ANKS1A: variants seen among roughly 807,000 people sequenced by gnomAD.
The protein encoded by ANKS1A is ankyrin repeat and SAM domain-containing protein 1A.
ANKS1A carries 55 observed loss-of-function variants against 120.3 expected under a neutral mutation model. That is an observed-to-expected ratio of 0.46 (90% CI 0.37 to 0.57). The LOEUF (loss-of-function observed/expected upper bound fraction) is 0.57, where lower values mean the gene tolerates loss of function less well. ANKS1A is among the 20% of genes least tolerant of loss of function. ANKS1A has a pLI of 0.00. For synonymous variants in ANKS1A, 590 were observed against 604.7 expected, an observed-to-expected ratio of 0.98 and a Z score of 0.36; for missense variants, 1,123 against 1,480.3, an observed-to-expected ratio of 0.76 and a Z score of 3.96.
At position 34,889,751 on chromosome 6, in the gene ANKS1A, C is replaced by G; in HGVS notation, c.197+152C>G. ...GGCAGGCGGCCCGCGGGCCAGGGTA[C>G]CGGAGGGCGCGCAGGTCCGAGTCCA... On this transcript the variant is annotated intron_variant, in intron 1 of 23. Transcript: ENST00000360359. The surrounding 1 kb of genome is among the most constrained non-coding windows in gnomAD (Gnocchi z 5.5). 2 of 1,065,142 alleles carry G rather than the reference C, an allele frequency of 1.9e-6. No individual in the cohort carries two copies. Among genetic ancestry groups the G allele is most frequent in the Non-Finnish European group, 2.3e-6 (2 of 856,752 alleles). The allele number at this position is 1,065,142 out of a possible 1,614,324, so 66.0% of individuals were successfully genotyped here. A position where few individuals can be genotyped will look rare whatever the true frequency, so the allele number is the denominator to read the frequency against.
At position 35,021,501 on chromosome 6, in the gene ANKS1A, C is replaced by T. The variant is rs78807416; in HGVS notation, c.2010+3442C>T. On this transcript the variant is annotated intron_variant, in intron 11 of 23. Transcript: ENST00000360359. ...CCTCAGTAAGCTCACTGTTATTATTCTTATTTGTGAAACTGAGGCAGTTAG... is the reference window on the plus strand; with the variant it reads ...CCTCAGTAAGCTCACTGTTATTATTTTTATTTGTGAAACTGAGGCAGTTAG... 5.7e-4 allele frequency among the ~76,000 whole-genome samples: 87 copies of T among 152,292 alleles called. No individual in the cohort carries two copies. The East Asian group carries it at 0.013, about 23-fold the overall frequency.
At chr6:34,915,159 C>G (rs970827904) in intron 1 of ANKS1A, among the ~76,000 whole-genome samples, 2 of 152,208 alleles carry the variant, frequency 1.3e-5, no homozygotes, top group South Asian at 2.1e-4. Flanking sequence ...TGAAGTCTAT[C>G]TACCTGACGA....
chr6:35,036,728 A>AGCATT (rs1775193296), intron 11 of ANKS1A, among the ~76,000 whole-genome samples: 2 of 152,230 alleles, frequency 1.3e-5, no homozygotes, highest in African/African-American at 4.8e-5. Flanking sequence ...TGCTAATGCT[A>AGCATT]AGTGGAAAGT....
At chr6:35,054,764 C>G (rs75876951) in intron 12 of ANKS1A, among the ~76,000 whole-genome samples, 7 of 152,234 alleles carry the variant, frequency 4.6e-5, no homozygotes, top group African/African-American at 1.7e-4. Flanking sequence ...TTGTTTGAAA[C>G]AGGGAATGGG....
chr6:34,913,619 TTTGTTGTTGTTG>T (rs549695039), intron 1 of ANKS1A, among the ~76,000 whole-genome samples: 1 of 151,116 alleles, frequency 6.6e-6, no homozygotes, highest in South Asian at 2.1e-4. Flanking sequence ...AACAAAATAG[TTTGTTGTTGTTG>T]TTGTTGTTGT....
intron 1 of ANKS1A, among the ~76,000 whole-genome samples, chr6:34,938,768 T>A (rs1420009614): frequency 6.6e-6 from 1 of 152,186 alleles, no homozygotes; most frequent in African/African-American, 2.4e-5. Context: ...GGCAGGTGGA[T>A]CATGAAGTCA....
At position 35,089,985 on chromosome 6, in the gene ANKS1A, T is replaced by C; in HGVS notation, c.*1376T>C. 8 of 1,184,734 alleles carry C rather than the reference T, an allele frequency of 6.8e-6. No homozygotes were observed. The highest frequency in any genetic ancestry group is 8.5e-6 in the Non-Finnish European group (8 of 937,980). The allele number at this position is 1,184,734 out of a possible 1,614,324, so 73.4% of individuals were successfully genotyped here. On this transcript the variant is annotated 3_prime_UTR_variant, in exon 24 of 24. Coordinates refer to ENST00000360359, the MANE Select transcript of ANKS1A (RefSeq NM_015245.3). ...TGAATTTGAATTCTTTGTTGGTATG[T>C]ATGTGCAGGGAGTACTGTTAGGCAC...
At position 34,989,323 on chromosome 6, in the gene ANKS1A, G is replaced by A; in HGVS notation, c.1302+7G>A. 1 of 1,611,502 alleles carries A rather than the reference G, an allele frequency of 6.2e-7. No individual in the cohort carries two copies. On this transcript the variant is annotated splice_region_variant and intron_variant, in intron 9 of 23. Transcript: ENST00000360359. Reference sequence around the variant, plus strand: ...TCCCTTGACAGCTTCTGAGGTAGAGGGTTGTGGGTTTATTCCCCATTGCTG... The same window carrying A: ...TCCCTTGACAGCTTCTGAGGTAGAGAGTTGTGGGTTTATTCCCCATTGCTG...
intron 1 of ANKS1A, among the ~76,000 whole-genome samples, chr6:34,922,577 T>C (rs1003151843): frequency 3.9e-5 from 6 of 152,164 alleles, no homozygotes; most frequent in African/African-American, 1.4e-4. Context: ...AAAGCCCTTA[T>C]AGCTCTGTGA....
At position 35,089,723 on chromosome 6, in the gene ANKS1A, C is replaced by T; in HGVS notation, c.*1114C>T. The T allele has an allele frequency of 2.0e-6, 2 of 996,428 alleles. No homozygotes were observed. The highest frequency in any genetic ancestry group is 9.1e-5 in the South Asian group (2 of 22,092). The allele number at this position is 996,428 out of a possible 1,614,324, so 61.7% of individuals were successfully genotyped here. On this transcript the variant is annotated 3_prime_UTR_variant, in exon 24 of 24. Coordinates refer to ENST00000360359, the MANE Select transcript of ANKS1A (RefSeq NM_015245.3). ...GGTGCGCCTCTGCTTCTTAAGCTTT[C>T]CTGCTGCTCGCTTTGTTTTTAAAAG... is the stretch of plus-strand genomic sequence containing the variant.
chr6:34,897,503 GTTC>G (rs1767148577), intron 1 of ANKS1A, among the ~76,000 whole-genome samples: 2 of 152,172 alleles, frequency 1.3e-5, no homozygotes, highest in South Asian at 4.1e-4. Flanking sequence ...TGGAGAGTTT[GTTC>G]TTAGAAAAAT....
chr6:34,963,155 C>T (rs1440616240), intron 1 of ANKS1A, among the ~76,000 whole-genome samples: 1 of 152,158 alleles, frequency 6.6e-6, no homozygotes, highest in African/African-American at 2.4e-5. Context: ...AGCCACCACA[C>T]CCGGCTGCGA....
At chr6:34,978,304 T>C (rs1220993448) in intron 3 of ANKS1A, among the ~76,000 whole-genome samples, 1 of 152,088 alleles carries the variant, frequency 6.6e-6, no homozygotes, top group Non-Finnish European at 1.5e-5. Context: ...TGCAAAAGCA[T>C]TGGGGGAAAT....
chr6:34,988,398 C>T (rs1772324054), intron 8 of ANKS1A, among the ~76,000 whole-genome samples: 2 of 152,168 alleles, frequency 1.3e-5, no homozygotes, highest in African/African-American at 4.8e-5. Context: ...AGATCCAGAC[C>T]ATCCTGGGTA....
At chr6:34,969,887 G>A in intron 2 of ANKS1A, 123 bp from the exon 3 acceptor site, 1 of 1,159,902 alleles carries the variant, frequency 8.6e-7, no homozygotes. Flanking sequence ...GGTGAGCTCA[G>A]GTAGAGACAC....
rs759840017 is a variant in ANKS1A at position 35,083,554 on chromosome 6, A to G, written c.2994+51A>G. 4 of 1,577,954 alleles carry G rather than the reference A, an allele frequency of 2.5e-6. No individual in the cohort carries two copies. The Admixed American group carries it at 6.7e-5, about 26-fold the overall frequency. On this transcript the variant is annotated intron_variant, in intron 20 of 23. Transcript: ENST00000360359. ...TGGGAGTGGGACCCACATCCCCGTC[A>G]GACCCACAGGGCTCCAGGGCAAGCA...
At chr6:34,952,856 C>T (rs1770153551) in intron 1 of ANKS1A, among the ~76,000 whole-genome samples, 3 of 151,934 alleles carry the variant, frequency 2.0e-5, no homozygotes, top group Non-Finnish European at 4.4e-5. Context: ...ATTACAGACT[C>T]GTACCACCAC....
Position 34,974,457 on chromosome 6 carries a change from C to T in ANKS1A, c.435+4291C>T, listed in dbSNP as rs2127518726. 2.0e-5 allele frequency among the ~76,000 whole-genome samples: 3 copies of T among 147,690 alleles called. No homozygotes were observed. The South Asian group carries it at 6.5e-4, about 32-fold the overall frequency. On this transcript the variant is annotated intron_variant, in intron 3 of 23. Transcript: ENST00000360359. The stretch of plus-strand genomic sequence containing the variant: ...TTCTTTCTTTCATTTTAAAAAGGGT[C>T]TCCCTCTGTTGCCCAGGCTGAAATG...
chr6:34,908,372 C>T (rs181463049), intron 1 of ANKS1A, among the ~76,000 whole-genome samples: 2 of 152,240 alleles, frequency 1.3e-5, no homozygotes, highest in African/African-American at 4.8e-5. Flanking sequence ...AGTGAGTAAG[C>T]GGCTATCCAG....
Sources: gnomAD v4.1 joint callset for allele counts (sites outside exome capture counted in the v4.1 genomes callset) on GRCh38, gnomAD v4.1.1 for gene constraint, Gnocchi (gnomAD v3.1) non-coding constraint, MANE v1.5 for transcripts, NCBI Gene and HGNC (gene_info 2026-07-23, HGNC 2026-07-21) for gene names.